COMMD10: variants seen among roughly 807,000 people sequenced by gnomAD.
The protein encoded by COMMD10 is COMM domain containing 10, also known as COMM domain-containing protein 10.
In COMMD10, 33 loss-of-function variants were observed where a neutral mutation model predicts 28.9. That is an observed-to-expected ratio of 1.14 (90% CI 0.87 to 1.53). The LOEUF (loss-of-function observed/expected upper bound fraction) is 1.53, where lower values mean the gene tolerates loss of function less well. COMMD10 is among the 40% of genes most tolerant of loss of function. COMMD10 has a pLI of 0.00. For synonymous variants in COMMD10, 110 were observed against 81.7 expected, an observed-to-expected ratio of 1.35 and a Z score of -1.87; for missense variants, 310 against 233.4, an observed-to-expected ratio of 1.33 and a Z score of -2.14.
intron 4 of COMMD10, among the ~76,000 whole-genome samples, chr5:116,100,589 T>C (rs1750628542): frequency 7.3e-6 from 1 of 136,086 alleles, no homozygotes. Flanking sequence ...TTTCCCATGG[T>C]GTATCCTTGG....
intron 5 of COMMD10, among the ~76,000 whole-genome samples, chr5:116,274,795 G>A (rs1304328846): frequency 1.3e-5 from 2 of 151,666 alleles, no homozygotes; most frequent in African/African-American, 4.9e-5. Context: ...AATTATTGGT[G>A]TGCCTTAAGG....
chr5:116,141,173 T>G (rs1297994421), intron 5 of COMMD10, among the ~76,000 whole-genome samples: 1 of 151,856 alleles, frequency 6.6e-6, no homozygotes, highest in Admixed American at 6.6e-5. Context: ...CACCATTTAT[T>G]AAAGAGACAA....
chr5:116,274,559 C>T (rs1750850937), intron 5 of COMMD10, among the ~76,000 whole-genome samples: 1 of 151,756 alleles, frequency 6.6e-6, no homozygotes, highest in Non-Finnish European at 1.5e-5. Flanking sequence ...ATACTCATTC[C>T]TCTGTTCAGC....
At chr5:116,129,897 C>G (rs77395119) in intron 4 of COMMD10, among the ~76,000 whole-genome samples, 4,215 of 147,930 alleles carry the variant, frequency 0.028, 102 homozygotes, top group East Asian at 0.14. Context: ...TAATAGTTAT[C>G]CTTTCTATAT....
At chr5:116,145,597 T>C (rs1389445283) in intron 5 of COMMD10, among the ~76,000 whole-genome samples, 1 of 151,776 alleles carries the variant, frequency 6.6e-6, no homozygotes, top group Non-Finnish European at 1.5e-5. Context: ...CTAGCCATAC[T>C]CTCTGATGTG....
At chr5:116,129,209 C>T (rs1449150337) in intron 4 of COMMD10, among the ~76,000 whole-genome samples, 2 of 150,270 alleles carry the variant, frequency 1.3e-5, no homozygotes, top group Non-Finnish European at 3.0e-5. Flanking sequence ...GTAAGGAAGC[C>T]CCATATATTC....
At chr5:116,110,956 G>C (rs1028827337) in intron 4 of COMMD10, among the ~76,000 whole-genome samples, 1 of 152,062 alleles carries the variant, frequency 6.6e-6, no homozygotes, top group African/African-American at 2.4e-5. Flanking sequence ...CCAACATTGG[G>C]TATTACATTT....
At chr5:116,266,939 A>G (rs1029083759) in intron 5 of COMMD10, among the ~76,000 whole-genome samples, 4 of 151,934 alleles carry the variant, frequency 2.6e-5, no homozygotes, top group African/African-American at 9.7e-5. Context: ...TATTGATGGG[A>G]TATATCTCAA....
intron 4 of COMMD10, among the ~76,000 whole-genome samples, chr5:116,131,205 G>T (rs1252552979): frequency 6.6e-6 from 1 of 151,976 alleles, no homozygotes; most frequent in African/African-American, 2.4e-5. Context: ...GAGGCCCAAA[G>T]AGGTGAATAG....
At chr5:116,234,319 C>T (rs535192321) in intron 5 of COMMD10, among the ~76,000 whole-genome samples, 1 of 152,262 alleles carries the variant, frequency 6.6e-6, no homozygotes, top group East Asian at 1.9e-4. Context: ...CTAACGAACA[C>T]ACTCTTAAAT....
chr5:116,225,933 T>C (rs973462433), intron 5 of COMMD10, among the ~76,000 whole-genome samples: 3 of 152,144 alleles, frequency 2.0e-5, no homozygotes, highest in African/African-American at 7.2e-5. Flanking sequence ...TCGTGCCTTC[T>C]GTGATTAGCT....
chr5:116,172,452 A>G (rs1428896616), intron 5 of COMMD10, among the ~76,000 whole-genome samples: 2 of 152,104 alleles, frequency 1.3e-5, no homozygotes, highest in Non-Finnish European at 2.9e-5. Flanking sequence ...ATTACAAGTT[A>G]CCTTTGGCTT....
chr5:116,233,665 A>G (rs1031408524), intron 5 of COMMD10, among the ~76,000 whole-genome samples: 1 of 152,172 alleles, frequency 6.6e-6, no homozygotes, highest in African/African-American at 2.4e-5. Context: ...ACCACGAGGA[A>G]TGTTCTGGAA....
At chr5:116,271,985 A>G (rs970224150) in intron 5 of COMMD10, among the ~76,000 whole-genome samples, 1 of 151,868 alleles carries the variant, frequency 6.6e-6, no homozygotes, top group Non-Finnish European at 1.5e-5. Flanking sequence ...GGATTACACA[A>G]ATTTAACCTG....
At chr5:116,173,185 A>G (rs946328237) in intron 5 of COMMD10, among the ~76,000 whole-genome samples, 3 of 152,118 alleles carry the variant, frequency 2.0e-5, no homozygotes, top group African/African-American at 7.2e-5. Flanking sequence ...TCCATTTTTG[A>G]AGTAGTTTAC....
chr5:116,139,028 T>A (rs1752116442), intron 5 of COMMD10, among the ~76,000 whole-genome samples: 1 of 151,728 alleles, frequency 6.6e-6, no homozygotes, highest in South Asian at 2.1e-4. Context: ...ACAGTAGACC[T>A]AGGATTTGAA....
chr5:116,282,724 C>G (rs1751104684), intron 5 of COMMD10, among the ~76,000 whole-genome samples: 1 of 151,854 alleles, frequency 6.6e-6, no homozygotes. Context: ...CATGGTCTTC[C>G]TTTTGTATTA....
intron 4 of COMMD10, among the ~76,000 whole-genome samples, chr5:116,131,914 A>T (rs1047317775): frequency 5.3e-5 from 8 of 152,074 alleles, no homozygotes; most frequent in African/African-American, 1.9e-4. Context: ...CACTGTGGCT[A>T]AATTATAGAT....
chr5:116,290,184 A>G (rs1005364103), intron 5 of COMMD10, among the ~76,000 whole-genome samples: 1 of 151,818 alleles, frequency 6.6e-6, no homozygotes, highest in Non-Finnish European at 1.5e-5. Flanking sequence ...ACCTAGGCTT[A>G]TCATCCTTCC....
Sources: gnomAD v4.1 joint callset for allele counts (sites outside exome capture counted in the v4.1 genomes callset) on GRCh38, gnomAD v4.1.1 for gene constraint, MANE v1.5 for transcripts, NCBI Gene and HGNC (gene_info 2026-07-23, HGNC 2026-07-21) for gene names.